The following CXorf65 variants were observed in gnomAD, a reference collection of about 807,000 sequenced individuals.
CXorf65 encodes chromosome X open reading frame 65, also known as uncharacterized protein CXorf65.
For missense variants in CXorf65, 137 were observed against 144.7 expected, an observed-to-expected ratio of 0.95 and a Z score of 0.27; for synonymous variants, 54 against 51.4, an observed-to-expected ratio of 1.05 and a Z score of -0.21.
rs771562771 is a variant in CXorf65 at position 71,106,067 on chromosome X, C to T, written c.183G>A (p.Glu61=). Residue 61 remains glutamate, a synonymous_variant, in exon 3 of 6, where the codon GAG becomes GAA. Coordinates refer to ENST00000374251, the MANE Select transcript of CXorf65 (RefSeq NM_001025265.3). ...MLFLMKPNHA[E]YASKYLTARS... is the part of the protein sequence containing the mutation. Reference sequence around the variant, plus strand: ...GAGCTGTAAGGTATTTGCTGGCATACTCTGCATGATTGGGCTTCATCAGGA... The same window carrying T: ...GAGCTGTAAGGTATTTGCTGGCATATTCTGCATGATTGGGCTTCATCAGGA... 8.3e-7 allele frequency: 1 copy of T among 1,211,129 alleles called. No homozygotes were observed. Among genetic ancestry groups the T allele is most frequent in the Non-Finnish European group, 1.1e-6 (1 of 894,845 alleles).
At chrX:71,105,250 A>AAAAT (rs1003574476) in intron 3 of CXorf65, among the ~76,000 whole-genome samples, 8 of 107,936 alleles carry the variant, frequency 7.4e-5, no homozygotes, top group African/African-American at 1.7e-4. Context: ...CACAAAAAAT[A>AAAAT]AAATAAATAA....
intron 5 of CXorf65, 87 bp downstream of exon 5, chrX:71,104,211 C>A: frequency 9.0e-7 from 1 of 1,114,799 alleles, no homozygotes; most frequent in Non-Finnish European, 1.2e-6. Context: ...GCAGGAAATT[C>A]ATCTCAGAGG....
At chrX:71,105,267 A>G (rs894056650) in intron 3 of CXorf65, among the ~76,000 whole-genome samples, 21 of 106,492 alleles carry the variant, frequency 2.0e-4, no homozygotes, top group Admixed American at 1.0e-3. Flanking sequence ...ATAAATAAAT[A>G]AAAATAAAGA....
Position 71,104,072 on chromosome X carries a change from C to A in CXorf65, c.467G>T (p.Arg156Leu). The A allele has an allele frequency of 8.3e-7, 1 of 1,209,558 alleles. No homozygotes were observed. The highest frequency in any genetic ancestry group is 1.1e-6 in the Non-Finnish European group (1 of 894,228). ...SGRSDKKKST[R>L]KSPTFRNRPD... Reference sequence around the variant, plus strand: ...TCTGTTCCTAAAGGTCGGAGACTTGCGAGTGGACTTCTTTTTGTCTGATCG... The same window carrying A: ...TCTGTTCCTAAAGGTCGGAGACTTGAGAGTGGACTTCTTTTTGTCTGATCG... Residue 156 changes from arginine (R) to leucine (L), a missense_variant, in exon 6 of 6, where the codon CGC becomes CTC. By Grantham distance (102) the Arg-to-Leu change is moderately radical. Transcript: ENST00000374251.
chrX:71,104,547 G>A (rs12857595), intron 4 of CXorf65, 143 bp from the exon 5 acceptor site: 135,065 of 505,031 alleles, frequency 0.27, 14,639 homozygotes, highest in Middle Eastern at 0.44. Flanking sequence ...GGAGATATAC[G>A]GAGAAGATGG....
chrX:71,104,595 T>C, intron 4 of CXorf65, 174 bp downstream of exon 4: 1 of 509,301 alleles, frequency 2.0e-6, no homozygotes, highest in Non-Finnish European at 3.3e-6. Context: ...CGCATGCACA[T>C]TCCACCTGGT....
At position 71,106,011 on chromosome X, in the gene CXorf65, C is replaced by A; in HGVS notation, c.239G>T (p.Arg80Leu). The change falls in exon 3 of 6, where the codon CGT (arginine) becomes CTT (leucine). Residue 80 changes from arginine to leucine, a missense_variant. Arg to Leu is a moderately radical substitution (Grantham distance 102). Coordinates refer to ENST00000374251, the MANE Select transcript of CXorf65 (RefSeq NM_001025265.3). Reference protein sequence around the residue: ...RSTYYVCKVERGPPGTRLENA... With the variant: ...RSTYYVCKVELGPPGTRLENA... ...TCCTGAGCCTCTACCTGGTGGCCCACGTTCCACCTTACAAACGTAGTAGGT... is the reference window on the plus strand; with the variant it reads ...TCCTGAGCCTCTACCTGGTGGCCCAAGTTCCACCTTACAAACGTAGTAGGT... 1 of 1,210,670 alleles carries A rather than the reference C, an allele frequency of 8.3e-7. No homozygotes were observed. Among genetic ancestry groups the A allele is most frequent in the Non-Finnish European group, 1.1e-6 (1 of 894,763 alleles).
chrX:71,104,789 T>A lies in CXorf65; in HGVS notation c.299A>T (p.Asn100Ile). 1.7e-6 allele frequency: 2 copies of A among 1,210,802 alleles called. No homozygotes were observed. The highest frequency in any genetic ancestry group is 2.2e-6 in the Non-Finnish European group (2 of 894,916). ...CTTACCAAGCAGCCAAGGCTCCGGA[T>A]TCTTGAGGAGAGGCACAAAAGCTCT... ...AYRAFVPLLK[N>I]PEPWLLVALR... Residue 100 changes from asparagine to isoleucine, a missense_variant, in exon 4 of 6, where the codon AAT becomes ATT. By Grantham distance (149) the Asn-to-Ile change is moderately radical. Transcript: ENST00000374251.
chrX:71,104,645 C>A, intron 4 of CXorf65, 124 bp downstream of exon 4: 1 of 708,073 alleles, frequency 1.4e-6, no homozygotes, highest in Non-Finnish European at 2.2e-6. Flanking sequence ...CTGGACCCTG[C>A]CCGCCTTTTC....
chrX:71,104,590 G>T, intron 4 of CXorf65, 179 bp downstream of exon 4: 1 of 504,136 alleles, frequency 2.0e-6, no homozygotes. Context: ...AGTAACGCAT[G>T]CACATTCCAC....
intron 2 of CXorf65, 68 bp from the exon 3 acceptor site, chrX:71,106,205 T>C: frequency 8.7e-7 from 1 of 1,150,515 alleles, no homozygotes; most frequent in Non-Finnish European, 1.2e-6. Flanking sequence ...GGGCCAGTGA[T>C]CCTATACAAA....
In CXorf65 at chrX:71,104,375, C is replaced by T. The variant is rs1263680692; in HGVS notation, c.349G>A (p.Glu117Lys). ...VALRIQCDAL[E>K]RRRIQMLKMK... is the part of the protein sequence containing the mutation. ...TTAAGCATCTGAATTCGTCTCCTCTCCAGGGCATCACATTGTATGCGCAGT... is the reference window on the plus strand; with the variant it reads ...TTAAGCATCTGAATTCGTCTCCTCTTCAGGGCATCACATTGTATGCGCAGT... Residue 117 changes from glutamate (E) to lysine (K), a missense_variant, in exon 5 of 6, where the codon GAG (glutamate) becomes AAG (lysine). Coordinates refer to ENST00000374251, the MANE Select transcript of CXorf65 (RefSeq NM_001025265.3). The T allele has an allele frequency of 8.3e-7, 1 of 1,202,838 alleles. No individual in the cohort carries two copies. The highest frequency in any genetic ancestry group is 3.0e-5 in the East Asian group (1 of 33,644).
At chrX:71,104,426 C>T (rs1207588851) in intron 4 of CXorf65, 22 bp from the exon 5 acceptor site, 2 of 1,041,280 alleles carry the variant, frequency 1.9e-6, no homozygotes, top group East Asian at 3.0e-5. Context: ...GAAAAGGCAC[C>T]TGCACCTCTG....
In CXorf65 at chrX:71,104,095, T is replaced by C. The variant is rs756226381; in HGVS notation, c.444A>G (p.Arg148=). 42 of 1,208,054 alleles carry C rather than the reference T, an allele frequency of 3.5e-5. No homozygotes were observed. The South Asian group carries it at 7.2e-4, about 21-fold the overall frequency. ...PASVPSKQSG[R]SDKKKSTRKS... is the part of the protein sequence containing the mutation. Reference sequence around the variant, plus strand: ...TGCGAGTGGACTTCTTTTTGTCTGATCGTCCTGATTGCTTGGACTAGAAAA... The same window carrying C: ...TGCGAGTGGACTTCTTTTTGTCTGACCGTCCTGATTGCTTGGACTAGAAAA... Residue 148 remains arginine (R), a synonymous_variant, in exon 6 of 6, where the codon CGA becomes CGG. Transcript: ENST00000374251.
chrX:71,105,174 G>A (rs1468664932), intron 3 of CXorf65, among the ~76,000 whole-genome samples: 1 of 111,534 alleles, frequency 9.0e-6, no homozygotes. Context: ...GAACCCAGGA[G>A]GCAGAGGTTG....
intron 4 of CXorf65, 165 bp from the exon 5 acceptor site, chrX:71,104,569 G>A: frequency 2.0e-6 from 1 of 493,534 alleles, no homozygotes; most frequent in Non-Finnish European, 3.4e-6. Context: ...CAAGAAATGG[G>A]GGAAGTGGGG....
chrX:71,104,785 C>G lies in CXorf65; in HGVS notation c.303G>C (p.Pro101=). The G allele has an allele frequency of 8.3e-7, 1 of 1,210,548 alleles. No homozygotes were observed. Among genetic ancestry groups the G allele is most frequent in the South Asian group, 1.8e-5 (1 of 56,973 alleles). ...ACTTCTTACCAAGCAGCCAAGGCTC[C>G]GGATTCTTGAGGAGAGGCACAAAAG... ...YRAFVPLLKN[P]EPWLLVALRI... The change falls in exon 4 of 6, where the codon CCG becomes CCC. Residue 101 remains proline (P), a synonymous_variant. Coordinates refer to ENST00000374251, the MANE Select transcript of CXorf65 (RefSeq NM_001025265.3).
Position 71,106,321 on chromosome X carries a change from C to T in CXorf65, c.112+19G>A. ...TCCTTCTGACCTTTGGCCATTAGTC[C>T]CCTCCCTAAGCTCCTCACTTGTTTT... On this transcript the variant is annotated intron_variant, in intron 2 of 5. Transcript: ENST00000374251. The T allele has an allele frequency of 2.5e-6, 3 of 1,182,319 alleles. No homozygotes were observed. The highest frequency in any genetic ancestry group is 3.5e-6 in the Non-Finnish European group (3 of 868,891).
intron 3 of CXorf65, among the ~76,000 whole-genome samples, chrX:71,105,694 A>G (rs1460905137): frequency 9.0e-6 from 1 of 110,969 alleles, no homozygotes; most frequent in Non-Finnish European, 1.9e-5. Flanking sequence ...TAGGCTGACT[A>G]GAGATGGTCA....
Sources: allele counts gnomAD v4.1 joint callset (sites outside exome capture counted in the v4.1 genomes callset), GRCh38; gene constraint gnomAD v4.1.1; transcripts MANE v1.5; gene names NCBI Gene and HGNC (gene_info 2026-07-23, HGNC 2026-07-21).